The following KCNAB1 variants were observed in gnomAD, a reference collection of about 807,000 sequenced individuals.
KCNAB1 encodes potassium voltage-gated channel subfamily A regulatory beta subunit 1.
A neutral mutation model predicts 64.6 loss-of-function variants in KCNAB1; 35 were observed. The observed-to-expected ratio is 0.54, with a 90% CI of 0.41 to 0.72. The LOEUF (loss-of-function observed/expected upper bound fraction) is 0.72. Ranked by LOEUF, KCNAB1 falls within the 30% of genes least tolerant of loss-of-function variation. KCNAB1 has a pLI of 0.00. For missense variants in KCNAB1, 401 were observed against 512.9 expected (o/e 0.78, Z 2.11); for synonymous variants, 177 against 183.8 (o/e 0.96, Z 0.30).
chr3:156,127,999 G>T (rs1338541941), intron 1 of KCNAB1, among the ~76,000 whole-genome samples: 4 of 151,836 alleles, frequency 2.6e-5, no homozygotes, highest in Admixed American at 2.0e-4. Context: ...CTTCTGACTT[G>T]CCCAGAGGGT....
intron 1 of KCNAB1, among the ~76,000 whole-genome samples, chr3:156,317,691 G>A (rs1722371671): frequency 6.6e-6 from 1 of 152,108 alleles, no homozygotes; most frequent in Non-Finnish European, 1.5e-5. Context: ...GAAAAGAATG[G>A]CTATATGACA....
intron 1 of KCNAB1, among the ~76,000 whole-genome samples, chr3:156,215,043 T>C (rs977295746): frequency 3.9e-5 from 6 of 152,214 alleles, no homozygotes; most frequent in Admixed American, 2.0e-4. Flanking sequence ...ATTATAAGAG[T>C]AACTAAATTG....
chr3:156,198,357 C>G (rs1017087084), intron 1 of KCNAB1, among the ~76,000 whole-genome samples: 1 of 152,062 alleles, frequency 6.6e-6, no homozygotes, highest in Non-Finnish European at 1.5e-5. Context: ...AATTTTCTGT[C>G]CCATTGATCT....
chr3:156,152,832 A>G (rs1332025738), intron 1 of KCNAB1, among the ~76,000 whole-genome samples: 1 of 152,242 alleles, frequency 6.6e-6, no homozygotes, highest in African/African-American at 2.4e-5. Flanking sequence ...TTACTTCCAG[A>G]GATGACCATT....
At position 156,444,874 on chromosome 3, in the gene KCNAB1, G is replaced by C. The variant is rs151164585; in HGVS notation, c.320-8025G>C. Among the ~76,000 whole-genome samples, 628 of 152,322 alleles carry C rather than the reference G, an allele frequency of 4.1e-3. 1 individual carries two copies. Among genetic ancestry groups the C allele is most frequent in the Non-Finnish European group, 6.9e-3 (467 of 68,032 alleles). ...ATTGCCAGGGTGCAGGAGCATGTCT[G>C]CTGGATTTAAATCCCAGCTTTTACT... On this transcript the variant is annotated intron_variant, in intron 2 of 13. Coordinates refer to ENST00000490337, the MANE Select transcript of KCNAB1 (RefSeq NM_172160.3).
At chr3:156,195,791 A>G (rs751752282) in intron 1 of KCNAB1, among the ~76,000 whole-genome samples, 7 of 152,166 alleles carry the variant, frequency 4.6e-5, no homozygotes, top group Non-Finnish European at 8.8e-5. Context: ...CTTTAGTTTA[A>G]TTAGAGGCCA....
chr3:156,488,385 G>T (rs988842753), intron 8 of KCNAB1, among the ~76,000 whole-genome samples: 1 of 151,962 alleles, frequency 6.6e-6, no homozygotes, highest in Non-Finnish European at 1.5e-5. Flanking sequence ...TAGGGTTTGA[G>T]CAAGGACTTG....
intron 1 of KCNAB1, among the ~76,000 whole-genome samples, chr3:156,257,074 T>G (rs925613316): frequency 1.3e-5 from 2 of 152,248 alleles, no homozygotes; most frequent in Non-Finnish European, 1.5e-5. Context: ...TTTACTTCCC[T>G]TCAGGGACAT....
intron 1 of KCNAB1, among the ~76,000 whole-genome samples, chr3:156,274,007 T>C (rs954750007): frequency 6.6e-6 from 1 of 152,210 alleles, no homozygotes; most frequent in African/African-American, 2.4e-5. Flanking sequence ...CCACCTTTTT[T>C]CCCTTACCAA....
chr3:156,440,500 CTG>C lies in KCNAB1; in HGVS notation c.320-12397_320-12396del, dbSNP rs1217763133. Among the ~76,000 whole-genome samples, 4 of 152,318 alleles carry C rather than the reference CTG, an allele frequency of 2.6e-5. No individual in the cohort carries two copies. The East Asian group carries it at 7.7e-4, about 29-fold the overall frequency. On this transcript the variant is annotated intron_variant, in intron 2 of 13. Transcript: ENST00000490337. Reference sequence around the variant, plus strand: ...TCTATCATTTCAAAGGAGAATGACTCTGTAGAATTTGGACTAAGTGCAATCTC... The same window carrying C: ...TCTATCATTTCAAAGGAGAATGACTCTAGAATTTGGACTAAGTGCAATCTC...
rs150782297 is a variant in KCNAB1 at position 156,234,173 on chromosome 3, T to C, written c.275+113287T>C. 4.4e-3 allele frequency among the ~76,000 whole-genome samples: 662 copies of C among 151,776 alleles called. 4 individuals carry two copies. Among genetic ancestry groups the C allele is most frequent in the Non-Finnish European group, 6.6e-3 (451 of 67,928 alleles). ...TTGGGGAGAGGAGGAGGCACCAGCA[T>C]TGAACAGTGAGAGGAACAGACAGTG... On this transcript the variant is annotated intron_variant, in intron 1 of 13. Transcript: ENST00000490337.
At chr3:156,123,253 A>T (rs1286215437) in intron 1 of KCNAB1, among the ~76,000 whole-genome samples, 1 of 152,262 alleles carries the variant, frequency 6.6e-6, no homozygotes, top group Non-Finnish European at 1.5e-5. Context: ...GTCCTTGAAG[A>T]CATTACACAT....
chr3:156,333,978 A>C (rs544565922), intron 1 of KCNAB1, among the ~76,000 whole-genome samples: 1 of 152,328 alleles, frequency 6.6e-6, no homozygotes, highest in Non-Finnish European at 1.5e-5. Context: ...GATATCAGGC[A>C]GAAAACAAAT....
At position 156,511,635 on chromosome 3, in the gene KCNAB1, CTGTT is replaced by C. The variant is rs539387116; in HGVS notation, c.659-2726_659-2723del. On this transcript the variant is annotated intron_variant, in intron 8 of 13. Transcript: ENST00000490337. ...ATTTTGAATCCATCCACCACTCTCT[CTGTT>C]TGCCATCATCACCCTATTACAAATC... is the stretch of plus-strand genomic sequence containing the variant. 2.8e-4 allele frequency among the ~76,000 whole-genome samples: 43 copies of C among 152,328 alleles called. No homozygotes were observed. The East Asian group carries it at 6.0e-3, about 21-fold the overall frequency.
At chr3:156,207,130 C>T (rs904259610) in intron 1 of KCNAB1, among the ~76,000 whole-genome samples, 3 of 152,180 alleles carry the variant, frequency 2.0e-5, no homozygotes, top group African/African-American at 7.2e-5. Flanking sequence ...CTCTGCAACC[C>T]AGAAGGCAGA....
At position 156,452,958 on chromosome 3, in the gene KCNAB1, T is replaced by C; in HGVS notation, c.357+22T>C. 1 of 1,574,018 alleles carries C rather than the reference T, an allele frequency of 6.4e-7. No individual in the cohort carries two copies. Among genetic ancestry groups the C allele is most frequent in the Non-Finnish European group, 8.7e-7 (1 of 1,149,340 alleles). ...TGAGGTAAGTTACCTTTGGCCTCTA[T>C]TATGCTAATGAAAGAAAATGCAGAG... On this transcript the variant is annotated intron_variant, in intron 3 of 13. Transcript: ENST00000490337. This position sits in a 1 kb window ranked among gnomAD's most constrained non-coding sequence, Gnocchi z 4.6.
In KCNAB1 at chr3:156,389,095, A is replaced by T. The variant is rs532177737; in HGVS notation, c.276-32521A>T. Among the ~76,000 whole-genome samples, 4 of 152,276 alleles carry T rather than the reference A, an allele frequency of 2.6e-5. No individual in the cohort carries two copies. The South Asian group carries it at 8.3e-4, about 32-fold the overall frequency. On this transcript the variant is annotated intron_variant, in intron 1 of 13. Coordinates refer to ENST00000490337, the MANE Select transcript of KCNAB1 (RefSeq NM_172160.3). Reference sequence around the variant, plus strand: ...GGTATATGATCTGACATCACAGCAAAGTAGTGGGGTCCGGTGGCACTGCAG... The same window carrying T: ...GGTATATGATCTGACATCACAGCAATGTAGTGGGGTCCGGTGGCACTGCAG...
At chr3:156,277,014 T>C (rs1719388319) in intron 1 of KCNAB1, among the ~76,000 whole-genome samples, 1 of 152,170 alleles carries the variant, frequency 6.6e-6, no homozygotes, top group Non-Finnish European at 1.5e-5. Flanking sequence ...GCTTAATAAT[T>C]TCTAGCTTTT....
At chr3:156,250,458 G>C (rs952944753) in intron 1 of KCNAB1, among the ~76,000 whole-genome samples, 24 of 152,132 alleles carry the variant, frequency 1.6e-4, no homozygotes, top group African/African-American at 5.3e-4. Flanking sequence ...TTTGCTCTCA[G>C]AACCCGTAGT....
Sources: allele counts gnomAD v4.1 joint callset (sites outside exome capture counted in the v4.1 genomes callset), GRCh38; gene constraint gnomAD v4.1.1; non-coding constraint Gnocchi (gnomAD v3.1); transcripts MANE v1.5; gene names NCBI Gene and HGNC (gene_info 2026-07-23, HGNC 2026-07-21).